SAMD4B: variants seen among roughly 807,000 people sequenced by gnomAD.
SAMD4B encodes the protein sterile alpha motif domain containing 4B.
Under a neutral mutation model 74.5 loss-of-function variants are expected in SAMD4B, and 5 were observed. The observed-to-expected ratio is 0.07, with a 90% CI of 0.04 to 0.14. The LOEUF is 0.14. Among genes scored for constraint, SAMD4B ranks in the 10% least tolerant of loss-of-function variants. The pLI is 1.00. For synonymous variants in SAMD4B, 373 were observed against 374.9 expected, an observed-to-expected ratio of 1.00 and a Z score of 0.06; for missense variants, 608 against 921.8, an observed-to-expected ratio of 0.66 and a Z score of 4.41.
intron 3 of SAMD4B, among the ~76,000 whole-genome samples, chr19:39,366,762 C>CT (rs1042230960): frequency 3.2e-4 from 48 of 151,580 alleles, no homozygotes; most frequent in African/African-American, 1.1e-3. Context: ...GTCCATGGAA[C>CT]TTTTTTTTTA....
At chr19:39,387,187 C>A (rs1256076253), downstream of SAMD4B, 2 of 435,928 alleles carry the variant, frequency 4.6e-6, no homozygotes, top group Non-Finnish European at 9.1e-6. Context: ...GCCTATTGCT[C>A]CTAGGCTACA....
In SAMD4B at chr19:39,370,044, C is replaced by G. The variant is rs763237352; in HGVS notation, c.586C>G (p.Arg196Gly). The G allele has an allele frequency of 6.2e-7, 1 of 1,611,940 alleles. No homozygotes were observed. Among genetic ancestry groups the G allele is most frequent in the Non-Finnish European group, 8.5e-7 (1 of 1,179,104 alleles). ...AGPGWQDKPP[R>G]ENGHVPFHPS... ...GCCAGGCTGGCAGGACAAGCCACCC[C>G]GGGAAAATGGACACGTGCCCTTCCA... Residue 196 changes from arginine (R) to glycine (G), a missense_variant, in exon 4 of 14, where the codon CGG (arginine) becomes GGG (glycine). Transcript: ENST00000610417.
At chr19:39,388,258 G>T, downstream of SAMD4B, 1 of 1,393,356 alleles carries the variant, frequency 7.2e-7, no homozygotes, top group South Asian at 1.2e-5. Flanking sequence ...AGGTACAAAT[G>T]ACCTCCAAGG....
downstream of SAMD4B, chr19:39,388,394 A>T (rs1240252251): frequency 6.2e-7 from 1 of 1,613,970 alleles, no homozygotes; most frequent in Non-Finnish European, 8.5e-7. Flanking sequence ...ATGAAGAAGT[A>T]GTTTTCCTCA....
Position 39,376,519 on chromosome 19 carries a change from A to C in SAMD4B, c.990A>C (p.Thr330=). 3 of 1,613,590 alleles carry C rather than the reference A, an allele frequency of 1.9e-6. No individual in the cohort carries two copies. Among genetic ancestry groups the C allele is most frequent in the Non-Finnish European group, 2.5e-6 (3 of 1,179,974 alleles). Residue 330 remains threonine, a synonymous_variant, in exon 6 of 14, where the codon ACA becomes ACC. Transcript: ENST00000610417. ...AGATGAGCTACGAGGAGATGATGAC[A>C]CTGACTGAGCAGCACCTGGAGTCTC... ...FSQMSYEEMM[T]LTEQHLESQN...
At position 39,383,846 on chromosome 19, in the gene SAMD4B, G is replaced by T. The variant is rs527953350; in HGVS notation, c.*319G>T. 261 of 816,200 alleles carry T rather than the reference G, an allele frequency of 3.2e-4. No individual in the cohort carries two copies. Among genetic ancestry groups the T allele is most frequent in the Non-Finnish European group, 1.0e-4 (53 of 522,682 alleles). The allele number at this position is 816,200 out of a possible 1,614,324, so 50.6% of individuals were successfully genotyped here. On this transcript the variant is annotated 3_prime_UTR_variant, in exon 14 of 14. Transcript: ENST00000610417. This position sits in a 1 kb window ranked among gnomAD's most constrained non-coding sequence, Gnocchi z 4.1. ...TCCCATCCCACCCCTGCCTCCTCCA[G>T]ACCGCTGACCACCTGCCTCTCCCCA... is the stretch of plus-strand genomic sequence containing the variant.
chr19:39,376,620 C>CT, intron 6 of SAMD4B, 74 bp downstream of exon 6: 1 of 1,576,830 alleles, frequency 6.3e-7, no homozygotes, highest in Non-Finnish European at 8.7e-7. Context: ...CAAGCCTCCT[C>CT]TGTCTCCTTG....
At chr19:39,374,358 C>G (rs540226163) in intron 4 of SAMD4B, among the ~76,000 whole-genome samples, 1 of 152,268 alleles carries the variant, frequency 6.6e-6, no homozygotes, top group African/African-American at 2.4e-5. Context: ...TGGGATCACC[C>G]TGAGTCACCA....
chr19:39,386,504 T>A (rs770761238), downstream of SAMD4B: 1 of 1,614,180 alleles, frequency 6.2e-7, no homozygotes, highest in East Asian at 2.2e-5. This position sits in a 1 kb window ranked among gnomAD's most constrained non-coding sequence, Gnocchi z 6.1. Flanking sequence ...CTTCTTTCTC[T>A]TCTGTCTCCA....
chr19:39,375,553 G>A lies in SAMD4B; in HGVS notation c.668-97G>A. The A allele has an allele frequency of 1.3e-6, 2 of 1,486,160 alleles. No individual in the cohort carries two copies. Among genetic ancestry groups the A allele is most frequent in the Non-Finnish European group, 1.8e-6 (2 of 1,096,110 alleles). The allele number at this position is 1,486,160 out of a possible 1,614,324, so 92.1% of individuals were successfully genotyped here. On this transcript the variant is annotated intron_variant, in intron 4 of 13. Transcript: ENST00000610417. The surrounding 1 kb of genome is among the most constrained non-coding windows in gnomAD (Gnocchi z 4.1). ...AGGTCCCTTCCTCTTGGCAGGTTATGGGGCCAAACTGCCATCCTGGCACTG... is the reference window on the plus strand; with the variant it reads ...AGGTCCCTTCCTCTTGGCAGGTTATAGGGCCAAACTGCCATCCTGGCACTG...
chr19:39,380,830 G>A, intron 11 of SAMD4B, 45 bp downstream of exon 11: 2 of 1,508,858 alleles, frequency 1.3e-6, no homozygotes, highest in Non-Finnish European at 1.8e-6. Flanking sequence ...GGGTTGGGGT[G>A]GCAGTACCTG....
At chr19:39,377,363 A>G (rs1249427228) in intron 7 of SAMD4B, 122 bp from the exon 8 acceptor site, 4 of 730,242 alleles carry the variant, frequency 5.5e-6, no homozygotes, top group African/African-American at 3.5e-5. Flanking sequence ...TGCCTTCTCT[A>G]TGTGCTGGAA....
intron 9 of SAMD4B, 124 bp from the exon 10 acceptor site, chr19:39,379,842 A>G (rs1456655068): frequency 1.3e-6 from 1 of 771,708 alleles, no homozygotes; most frequent in Non-Finnish European, 2.1e-6. Context: ...AAGTGCTGGG[A>G]TTACAGCTTG....
chr19:39,358,989 G>A (rs2076494249), intron 3 of SAMD4B, among the ~76,000 whole-genome samples: 1 of 152,192 alleles, frequency 6.6e-6, no homozygotes, highest in Non-Finnish European at 1.5e-5. Context: ...TCAGGCCAGG[G>A]GTCACATCAG....
At chr19:39,376,388 G>A (rs1357648672) in intron 5 of SAMD4B, 49 bp from the exon 6 acceptor site, 1 of 1,491,082 alleles carries the variant, frequency 6.7e-7, no homozygotes, top group Non-Finnish European at 9.3e-7. Context: ...CTTTACCCTG[G>A]TAATCTGGGC....
chr19:39,388,967 G>A (rs1184747484), downstream of SAMD4B: 1 of 1,613,966 alleles, frequency 6.2e-7, no homozygotes, highest in Non-Finnish European at 8.5e-7. Flanking sequence ...GGGAAGACAG[G>A]CATGACCTCC....
rs775906788 is a variant in SAMD4B at position 39,370,043 on chromosome 19, C to G, written c.585C>G (p.Pro195=). The stretch of plus-strand genomic sequence containing the variant: ...GGCCAGGCTGGCAGGACAAGCCACC[C>G]CGGGAAAATGGACACGTGCCCTTCC... ...EAGPGWQDKP[P]RENGHVPFHP... Residue 195 remains proline, a synonymous_variant, in exon 4 of 14, where the codon CCC becomes CCG. Coordinates refer to ENST00000610417, the MANE Select transcript of SAMD4B (RefSeq NM_001384574.2). 1.2e-6 allele frequency: 2 copies of G among 1,612,100 alleles called. No individual in the cohort carries two copies. The highest frequency in any genetic ancestry group is 1.3e-5 in the African/African-American group (1 of 74,858).
At chr19:39,385,837 G>C (rs1350558690), downstream of SAMD4B, 27 of 1,133,698 alleles carry the variant, frequency 2.4e-5, no homozygotes, top group Non-Finnish European at 3.2e-5. Flanking sequence ...ACATCATAGG[G>C]GCTGGGAGGG....
chr19:39,385,964 C>G, downstream of SAMD4B: 1 of 1,611,786 alleles, frequency 6.2e-7, no homozygotes, highest in African/African-American at 1.3e-5. Context: ...ATAATGGTGT[C>G]TGAACCAGCC....
Sources: gnomAD v4.1 joint callset for allele counts (sites outside exome capture counted in the v4.1 genomes callset) on GRCh38, gnomAD v4.1.1 for gene constraint, Gnocchi (gnomAD v3.1) non-coding constraint, MANE v1.5 for transcripts, NCBI Gene and HGNC (gene_info 2026-07-23, HGNC 2026-07-21) for gene names.